Variants in SHROOM2 observed in about 807,000 individuals in gnomAD.
The protein encoded by SHROOM2 is shroom family member 2.
In SHROOM2, 33 loss-of-function variants were observed where a neutral mutation model predicts 75.9. That is an observed-to-expected ratio of 0.43 (90% confidence interval 0.33 to 0.58). SHROOM2 has a LOEUF of 0.58. Among genes scored for constraint, SHROOM2 ranks in the 20% least tolerant of loss-of-function variants. SHROOM2 has a pLI of 0.04. For missense variants in SHROOM2, 1,434 were observed against 1,461.2 expected (o/e 0.98, Z 0.30); for synonymous variants, 655 against 663.6 (o/e 0.99, Z 0.20).
At chrX:9,815,966 A>T (rs1002464045) in intron 1 of SHROOM2, among the ~76,000 whole-genome samples, 1 of 112,115 alleles carries the variant, frequency 8.9e-6, no homozygotes, top group Non-Finnish European at 1.9e-5. Context: ...AGTCAAGTTG[A>T]CACTCAGTAT....
intron 1 of SHROOM2, among the ~76,000 whole-genome samples, chrX:9,858,132 A>T (rs1230517775): frequency 8.9e-6 from 1 of 111,873 alleles, no homozygotes; most frequent in African/African-American, 3.3e-5. Context: ...GACGGGTGAG[A>T]TCATCCATAT....
intron 1 of SHROOM2, among the ~76,000 whole-genome samples, chrX:9,843,827 C>T (rs1240569366): frequency 8.9e-6 from 1 of 112,380 alleles, no homozygotes; most frequent in Non-Finnish European, 1.9e-5. Context: ...TAGACTGTAC[C>T]CCTCTTGGGA....
chrX:9,936,764 A>G (rs752233721), intron 6 of SHROOM2, among the ~76,000 whole-genome samples: 1 of 112,501 alleles, frequency 8.9e-6, no homozygotes, highest in Non-Finnish European at 1.9e-5. Flanking sequence ...CTTCCCCTAC[A>G]AAAGAACATT....
intron 1 of SHROOM2, among the ~76,000 whole-genome samples, chrX:9,838,251 A>G (rs1050557085): frequency 5.5e-5 from 6 of 109,302 alleles, no homozygotes; most frequent in Non-Finnish European, 1.1e-4. Flanking sequence ...TAGTAGAGGC[A>G]GGGTTTCACC....
At chrX:9,915,056 G>C (rs376350197) in intron 5 of SHROOM2, among the ~76,000 whole-genome samples, 2 of 111,606 alleles carry the variant, frequency 1.8e-5, no homozygotes, top group Non-Finnish European at 3.8e-5. Context: ...GGTGTGGCTT[G>C]CGAAGCCACC....
chrX:9,931,041 C>A (rs1267961093), intron 5 of SHROOM2, among the ~76,000 whole-genome samples: 1 of 110,898 alleles, frequency 9.0e-6, no homozygotes, highest in Non-Finnish European at 1.9e-5. Context: ...CTGTGCCCAG[C>A]CATTCAAGTT....
At chrX:9,859,585 G>A (rs749033660) in intron 1 of SHROOM2, among the ~76,000 whole-genome samples, 1 of 111,660 alleles carries the variant, frequency 9.0e-6, no homozygotes, top group Non-Finnish European at 1.9e-5. Context: ...AGGGCTGAAT[G>A]TGGGCGAGCT....
In SHROOM2 at chrX:9,944,817, C is replaced by T. The variant is rs369326337; in HGVS notation, c.4488C>T (p.Asp1496=). Residue 1496 remains aspartate (D), a synonymous_variant, in exon 9 of 10, where the codon GAC becomes GAT. Coordinates refer to ENST00000380913, the MANE Select transcript of SHROOM2 (RefSeq NM_001649.4). ...TCCGGATGTTCATTGGAGACCTGGA[C>T]AAAGTGGTGAACCTCCTGCTGTCGC... ...DKFRMFIGDL[D]KVVNLLLSLS... is the part of the protein sequence containing the mutation. 1.7e-6 allele frequency: 2 copies of T among 1,210,963 alleles called. No individual in the cohort carries two copies. The highest frequency in any genetic ancestry group is 2.2e-6 in the Non-Finnish European group (2 of 895,313).
chrX:9,908,564 G>A (rs113483927), intron 5 of SHROOM2, among the ~76,000 whole-genome samples: 2,426 of 111,291 alleles, frequency 0.022, 54 homozygotes, highest in African/African-American at 0.074. Context: ...ATTATGCCTC[G>A]CTCTAAGAAA....
At chrX:9,787,476 C>G (rs2083621499) in intron 1 of SHROOM2, among the ~76,000 whole-genome samples, 1 of 112,387 alleles carries the variant, frequency 8.9e-6, no homozygotes, top group African/African-American at 3.2e-5. Context: ...ACCCTGTGTT[C>G]TAGTTAAAAG....
chrX:9,925,300 G>A (rs926994998), intron 5 of SHROOM2, among the ~76,000 whole-genome samples: 11 of 112,310 alleles, frequency 9.8e-5, no homozygotes, highest in Admixed American at 5.6e-4. Context: ...TGCCTGACCC[G>A]CATTCTGAGG....
chrX:9,816,694 C>T (rs761734052), intron 1 of SHROOM2, among the ~76,000 whole-genome samples: 23 of 111,078 alleles, frequency 2.1e-4, no homozygotes, highest in Admixed American at 6.8e-4. Context: ...AGACAGCGAG[C>T]GGGGTCCCTG....
chrX:9,848,952 G>A lies in SHROOM2; in HGVS notation c.166-24700G>A, dbSNP rs1019120964. On this transcript the variant is annotated intron_variant, in intron 1 of 9. Transcript: ENST00000380913. ...ACCTAAAGGGCCAGAGCAAACAACC[G>A]TCCACTCAGGTAAACATTCCCACCC... Among the ~76,000 whole-genome samples, 8 of 111,354 alleles carry A rather than the reference G, an allele frequency of 7.2e-5. No homozygotes were observed. The East Asian group carries it at 1.4e-3, about 20-fold the overall frequency.
chrX:9,933,636 G>C (rs1252124118), intron 6 of SHROOM2, among the ~76,000 whole-genome samples: 1 of 111,816 alleles, frequency 8.9e-6, no homozygotes, highest in Non-Finnish European at 1.9e-5. Context: ...AGCCAGGTGT[G>C]GTGGTGCATG....
chrX:9,830,456 A>G (rs749801862), intron 1 of SHROOM2, among the ~76,000 whole-genome samples: 4 of 110,834 alleles, frequency 3.6e-5, no homozygotes, highest in Non-Finnish European at 7.5e-5. Context: ...TGGCATCCTG[A>G]TGAATTTCCG....
intron 1 of SHROOM2, chrX:9,819,334 T>C (rs770525332): frequency 2.0e-6 from 1 of 500,165 alleles, no homozygotes; most frequent in Admixed American, 3.2e-5. Flanking sequence ...GGAGGCCAAT[T>C]AAGCGCCTTT....
chrX:9,895,087 A>G lies in SHROOM2; in HGVS notation c.1179A>G (p.Ala393=), dbSNP rs1331393804. ...CGGGCTGCCCACAGGAGGCCCACGC[A>G]GACGGCAGCTGGCCGCCCTCCAAGG... ...GGPGCPQEAH[A]DGSWPPSKDG... is the part of the protein sequence containing the mutation. The change falls in exon 4 of 10, where the codon GCA becomes GCG. Residue 393 remains alanine, a synonymous_variant. Coordinates refer to ENST00000380913, the MANE Select transcript of SHROOM2 (RefSeq NM_001649.4). The G allele has an allele frequency of 8.3e-7, 1 of 1,208,404 alleles. No homozygotes were observed. Among genetic ancestry groups the G allele is most frequent in the African/African-American group, 1.7e-5 (1 of 57,418 alleles).
At chrX:9,815,571 C>CCTATATCTATATCTATAT (rs776124308) in intron 1 of SHROOM2, among the ~76,000 whole-genome samples, 3,490 of 96,477 alleles carry the variant, frequency 0.036, 79 homozygotes, top group East Asian at 0.1. Flanking sequence ...ATATCTATAT[C>CCTATATCTATATCTATAT]CTATATCTAT....
intron 1 of SHROOM2, among the ~76,000 whole-genome samples, chrX:9,868,965 T>C (rs1233096161): frequency 9.0e-6 from 1 of 110,565 alleles, no homozygotes; most frequent in African/African-American, 3.3e-5. Flanking sequence ...TTTTTTAATT[T>C]TAATTTTTCA....
Sources: allele counts gnomAD v4.1 joint callset (sites outside exome capture counted in the v4.1 genomes callset), GRCh38; gene constraint gnomAD v4.1.1; transcripts MANE v1.5; gene names NCBI Gene and HGNC (gene_info 2026-07-23, HGNC 2026-07-21).